Variants in AKAP8L observed in about 807,000 individuals in gnomAD.
The protein encoded by AKAP8L is A-kinase anchor protein 8-like.
A neutral mutation model predicts 77.5 loss-of-function variants in AKAP8L; 34 were observed. That is an observed-to-expected ratio of 0.44 (90% CI 0.33 to 0.58). The LOEUF is 0.58. AKAP8L is among the 20% of genes least tolerant of loss of function. The pLI, the probability that AKAP8L is intolerant of heterozygous loss-of-function variation, is 0.02. For synonymous variants in AKAP8L, 342 were observed against 340.7 expected, an observed-to-expected ratio of 1.00 and a Z score of -0.04; for missense variants, 806 against 887.6, an observed-to-expected ratio of 0.91 and a Z score of 1.17.
intron 1 of AKAP8L, among the ~76,000 whole-genome samples, chr19:15,416,097 G>A (rs1968202860): frequency 6.6e-6 from 1 of 151,544 alleles, no homozygotes; most frequent in Non-Finnish European, 1.5e-5. Flanking sequence ...AAAGTGTTGT[G>A]ATTACAAGTG....
rs1358982451 is a variant in AKAP8L at position 15,403,464 on chromosome 19, T to A, written c.362+11A>T. ...TGCAGAGTCTCAACCCCTAGGCAGGTGTCCACTCACCTTTCTCCACCTGAG... is the reference window on the plus strand; with the variant it reads ...TGCAGAGTCTCAACCCCTAGGCAGGAGTCCACTCACCTTTCTCCACCTGAG... On this transcript the variant is annotated intron_variant, in intron 4 of 13. Transcript: ENST00000397410. The surrounding 1 kb of genome is among the most constrained non-coding windows in gnomAD (Gnocchi z 4.3). The A allele has an allele frequency of 1.2e-6, 2 of 1,613,604 alleles. No individual in the cohort carries two copies. The highest frequency in any genetic ancestry group is 2.2e-5 in the South Asian group (2 of 91,064).
chr19:15,396,610 G>A (rs1228267046), intron 12 of AKAP8L, among the ~76,000 whole-genome samples: 1 of 152,074 alleles, frequency 6.6e-6, no homozygotes, highest in African/African-American at 2.4e-5. Flanking sequence ...GCCAGCCCCC[G>A]GCTCCCTTCC....
intron 12 of AKAP8L, among the ~76,000 whole-genome samples, chr19:15,392,567 T>C (rs1967685111): frequency 6.6e-6 from 1 of 151,270 alleles, no homozygotes; most frequent in Non-Finnish European, 1.5e-5. Flanking sequence ...AACAATTCCA[T>C]TCATAATAGT....
chr19:15,412,340 C>A (rs1240489320), intron 1 of AKAP8L, among the ~76,000 whole-genome samples: 4 of 152,034 alleles, frequency 2.6e-5, no homozygotes, highest in African/African-American at 9.7e-5. Flanking sequence ...GGAGATCGTG[C>A]CACTGCACTC....
chr19:15,393,605 C>T (rs1555698066), intron 12 of AKAP8L, among the ~76,000 whole-genome samples: 1 of 152,092 alleles, frequency 6.6e-6, no homozygotes, highest in Non-Finnish European at 1.5e-5. Flanking sequence ...CTACTTCCCA[C>T]CCACTAGGAT....
chr19:15,397,185 G>GCT lies in AKAP8L; in HGVS notation c.1499_1500dup (p.His501SerfsTer3). The stretch of plus-strand genomic sequence containing the variant: ...CGGTTGTGATCCATGGTCTTCAGAT[G>GCT]CTTCTGGATGATCCCAAACTGCATG... On this transcript the variant is annotated frameshift_variant, in exon 12 of 14. Transcript: ENST00000397410. LOFTEE classifies it high-confidence loss of function. The surrounding 1 kb of genome is among the most constrained non-coding windows in gnomAD (Gnocchi z 4.7). 1.2e-6 allele frequency: 2 copies of GCT among 1,613,992 alleles called. No homozygotes were observed. The highest frequency in any genetic ancestry group is 1.7e-6 in the Non-Finnish European group (2 of 1,179,898).
At chr19:15,380,818 G>C in intron 12 of AKAP8L, 1 of 590,934 alleles carries the variant, frequency 1.7e-6, no homozygotes, top group South Asian at 2.1e-5. Context: ...CACACTTACT[G>C]TAGGTAAATA....
At chr19:15,418,678 G>A (rs1470297036) in intron 1 of AKAP8L, among the ~76,000 whole-genome samples, 3 of 152,250 alleles carry the variant, frequency 2.0e-5, no homozygotes, top group Non-Finnish European at 4.4e-5. Context: ...ACAGGCGACA[G>A]AAGCCAAGAC....
Position 15,398,907 on chromosome 19 carries a change from C to T in AKAP8L, c.1157+395G>A. 4.1e-6 allele frequency: 3 copies of T among 723,936 alleles called. No homozygotes were observed. The highest frequency in any genetic ancestry group is 8.9e-5 in the East Asian group (1 of 11,264). The allele number at this position is 723,936 out of a possible 1,614,324, so 44.8% of individuals were successfully genotyped here. ...GTGCTGCCATCTCTCCTGGGCACGG[C>T]GGTGGCCTCTTGGCAGCTAGCTGGG... On this transcript the variant is annotated intron_variant, in intron 9 of 13. Coordinates refer to ENST00000397410, the MANE Select transcript of AKAP8L (RefSeq NM_014371.4). The surrounding 1 kb of genome is among the most constrained non-coding windows in gnomAD (Gnocchi z 9.2).
At chr19:15,408,826 C>T (rs568226585) in intron 2 of AKAP8L, among the ~76,000 whole-genome samples, 5 of 149,514 alleles carry the variant, frequency 3.3e-5, no homozygotes, top group South Asian at 2.1e-4. Flanking sequence ...GAGCTGAGAT[C>T]GCGCCACTGC....
intron 12 of AKAP8L, among the ~76,000 whole-genome samples, chr19:15,386,642 C>T (rs1276005544): frequency 6.6e-6 from 1 of 152,116 alleles, no homozygotes; most frequent in Non-Finnish European, 1.5e-5. Flanking sequence ...GATATCTTCC[C>T]AGGAGGAACA....
At chr19:15,405,725 C>T (rs1400812057) in intron 2 of AKAP8L, among the ~76,000 whole-genome samples, 4 of 151,772 alleles carry the variant, frequency 2.6e-5, no homozygotes, top group South Asian at 4.2e-4. Context: ...AGTTCGAGAC[C>T]AGCCTGGCCA....
At chr19:15,412,098 CGCAGGAGGCTGAG>C (rs1203951874) in intron 1 of AKAP8L, among the ~76,000 whole-genome samples, 1 of 152,166 alleles carries the variant, frequency 6.6e-6, no homozygotes, top group Non-Finnish European at 1.5e-5. Context: ...GTCCCAGCTG[CGCAGGAGGCTGAG>C]GCAGGAGAAT....
intron 2 of AKAP8L, among the ~76,000 whole-genome samples, chr19:15,409,553 G>A (rs1968068346): frequency 6.6e-6 from 1 of 152,104 alleles, no homozygotes; most frequent in Non-Finnish European, 1.5e-5. Flanking sequence ...CCAGATCTTG[G>A]TAGTAAAAGA....
chr19:15,401,382 G>A lies in AKAP8L; in HGVS notation c.584C>T (p.Ser195Leu), dbSNP rs572937620. ...RDARSGRPMASGYGRMWEDPM... is the reference protein window; with the variant it reads ...RDARSGRPMALGYGRMWEDPM... ...GTCTTCCCACATGCGCCCATAGCCT[G>A]AGGCCATTGGCCGGCCGCTCCGGGC... The change falls in exon 5 of 14, where the codon TCA (serine) becomes TTA (leucine). Residue 195 changes from serine to leucine, a missense_variant. Transcript: ENST00000397410. This position sits in a 1 kb window ranked among gnomAD's most constrained non-coding sequence, Gnocchi z 6.2. 1.7e-4 allele frequency: 276 copies of A among 1,613,278 alleles called. 1 individual carries two copies. Among genetic ancestry groups the A allele is most frequent in the Middle Eastern group, 1.7e-3 (10 of 6,060 alleles).
At chr19:15,393,495 A>T (rs1438334586) in intron 12 of AKAP8L, among the ~76,000 whole-genome samples, 10 of 152,218 alleles carry the variant, frequency 6.6e-5, no homozygotes, top group Non-Finnish European at 1.2e-4. Flanking sequence ...AAGAACTTGA[A>T]TAGACATTTC....
chr19:15,399,221 G>T lies in AKAP8L; in HGVS notation c.1157+81C>A. 7.6e-7 allele frequency: 1 copy of T among 1,313,686 alleles called. No individual in the cohort carries two copies. Among genetic ancestry groups the T allele is most frequent in the South Asian group, 1.2e-5 (1 of 83,772 alleles). The allele number at this position is 1,313,686 out of a possible 1,614,324, so 81.4% of individuals were successfully genotyped here. A position where few individuals can be genotyped will look rare whatever the true frequency, so the allele number is the denominator to read the frequency against. On this transcript the variant is annotated intron_variant, in intron 9 of 13. Transcript: ENST00000397410. This position sits in a 1 kb window ranked among gnomAD's most constrained non-coding sequence, Gnocchi z 6.1. ...CCCAAGGGAGGCCAGAGGGCGGCGA[G>T]CTGGCAGAGCTATGGCCCTGCTCTC...
chr19:15,395,954 A>G (rs1967763470), intron 12 of AKAP8L, among the ~76,000 whole-genome samples: 1 of 121,346 alleles, frequency 8.2e-6, no homozygotes. Flanking sequence ...ACTGCACTCC[A>G]GCCTGGGCGA....
intron 12 of AKAP8L, among the ~76,000 whole-genome samples, chr19:15,388,220 A>G (rs1397635593): frequency 6.6e-6 from 1 of 151,252 alleles, no homozygotes; most frequent in Admixed American, 6.6e-5. Flanking sequence ...GCAAGTCACT[A>G]AACAAATAGA....
Sources: gnomAD v4.1 joint callset for allele counts (sites outside exome capture counted in the v4.1 genomes callset) on GRCh38, gnomAD v4.1.1 for gene constraint, Gnocchi (gnomAD v3.1) non-coding constraint, MANE v1.5 for transcripts, NCBI Gene and HGNC (gene_info 2026-07-23, HGNC 2026-07-21) for gene names.